The following TUBA8 variants were observed in gnomAD, a reference collection of about 807,000 sequenced individuals.
TUBA8 encodes tubulin alpha-8 chain.
In TUBA8, 29 loss-of-function variants were observed where a neutral mutation model predicts 34.7. The observed-to-expected ratio is 0.84, with a 90% CI of 0.62 to 1.14. The LOEUF (loss-of-function observed/expected upper bound fraction) is 1.14. Ranked by LOEUF, TUBA8 falls within the 50% of genes most tolerant of loss-of-function variation. TUBA8 has a pLI of 0.00. For synonymous variants in TUBA8, 226 were observed against 231.2 expected (o/e 0.98, Z 0.21); for missense variants, 541 against 599.2 (o/e 0.90, Z 1.01).
chr22:18,124,513 G>C lies in TUBA8; in HGVS notation c.375+209G>C. On this transcript the variant is annotated intron_variant, in intron 3 of 4. Transcript: ENST00000330423. This position sits in a 1 kb window ranked among gnomAD's most constrained non-coding sequence, Gnocchi z 4.3. The stretch of plus-strand genomic sequence containing the variant: ...TGTTGGCATCATAGACTGTGTTCCA[G>C]GCTGAGGCCCTACTCATACTCATTG... 1.7e-6 allele frequency: 1 copy of C among 594,276 alleles called. No individual in the cohort carries two copies. Among genetic ancestry groups the C allele is most frequent in the Non-Finnish European group, 2.9e-6 (1 of 344,170 alleles). The allele number at this position is 594,276 out of a possible 1,614,324, so 36.8% of individuals were successfully genotyped here. A position where few individuals can be genotyped will look rare whatever the true frequency, so the allele number is the denominator to read the frequency against.
chr22:18,113,233 G>A (rs141550128), intron 1 of TUBA8: 3 of 152,364 alleles, frequency 2.0e-5, no homozygotes, highest in African/African-American at 7.2e-5. Context: ...AAGTGACACA[G>A]CTGGTAAGAA....
intron 4 of TUBA8, 85 bp from the exon 5 acceptor site, chr22:18,130,758 A>C: frequency 6.3e-7 from 1 of 1,583,366 alleles, no homozygotes; most frequent in African/African-American, 1.3e-5. Flanking sequence ...AAGCCATGCC[A>C]AGTGACCAAG....
In TUBA8 at chr22:18,119,191, T is replaced by G. The variant is rs541917738; in HGVS notation, c.4-2288T>G. ...ACCTCCCTGGGAAGTCACAGCCACA[T>G]GCTGAATGTGACGCCGTGGTCTGGG... On this transcript the variant is annotated intron_variant, in intron 1 of 4. Transcript: ENST00000330423. The surrounding 1 kb of genome is among the most constrained non-coding windows in gnomAD (Gnocchi z 5.9). The G allele has an allele frequency of 5.9e-5, 9 of 152,442 alleles. No individual in the cohort carries two copies. Among genetic ancestry groups the G allele is most frequent in the African/African-American group, 2.2e-4 (9 of 41,564 alleles). 9.4% of individuals were successfully genotyped at this position (152,442 alleles called of 1,614,324 possible).
Position 18,110,916 on chromosome 22 carries a change from G to A in TUBA8, c.3+48G>A, listed in dbSNP as rs58296327. ...GGGCTGCGGGCGCGCGGCAGGCGTAGGACCGAGAGCCGAGTCTACGCGGAG... is the reference window on the plus strand; with the variant it reads ...GGGCTGCGGGCGCGCGGCAGGCGTAAGACCGAGAGCCGAGTCTACGCGGAG... On this transcript the variant is annotated intron_variant, in intron 1 of 4. Coordinates refer to ENST00000330423, the MANE Select transcript of TUBA8 (RefSeq NM_018943.3). The surrounding 1 kb of genome is among the most constrained non-coding windows in gnomAD (Gnocchi z 6.2). The A allele has an allele frequency of 2.4e-3, 3,759 of 1,539,210 alleles. 33 individuals are homozygous for A. The African/African-American group carries it at 0.026, about 10-fold the overall frequency.
At chr22:18,115,872 C>T (rs1157996345) in intron 1 of TUBA8, 1 of 152,176 alleles carries the variant, frequency 6.6e-6, no homozygotes, top group Non-Finnish European at 1.5e-5. Flanking sequence ...TCCTTGGTCC[C>T]TCCACCTCCC....
At chr22:18,130,755 G>A (rs1271046686) in intron 4 of TUBA8, 88 bp from the exon 5 acceptor site, 4 of 1,575,348 alleles carry the variant, frequency 2.5e-6, no homozygotes, top group Non-Finnish European at 3.5e-6. Flanking sequence ...TTGAAGCCAT[G>A]CCAAGTGACC....
At chr22:18,113,292 C>T (rs1439508202) in intron 1 of TUBA8, 1 of 152,276 alleles carries the variant, frequency 6.6e-6, no homozygotes. Context: ...GAGCCTCTGT[C>T]CTGAGCCACC....
chr22:18,110,854 A>G lies in TUBA8; in HGVS notation c.-12A>G, dbSNP rs1384070246. 1 of 1,545,382 alleles carries G rather than the reference A, an allele frequency of 6.5e-7. No individual in the cohort carries two copies. Among genetic ancestry groups the G allele is most frequent in the Non-Finnish European group, 8.7e-7 (1 of 1,151,610 alleles). On this transcript the variant is annotated 5_prime_UTR_variant, in exon 1 of 5. Coordinates refer to ENST00000330423, the MANE Select transcript of TUBA8 (RefSeq NM_018943.3). The surrounding 1 kb of genome is among the most constrained non-coding windows in gnomAD (Gnocchi z 6.2). The stretch of plus-strand genomic sequence containing the variant: ...CCAGCTGAGAGGTGCGCGGGCGAGG[A>G]CAGCGGCAGCGATGGTGAGGCTTCC...
At chr22:18,127,335 C>T in intron 4 of TUBA8, 1 of 358,700 alleles carries the variant, frequency 2.8e-6, no homozygotes, top group South Asian at 4.8e-5. Context: ...AATCTACTCA[C>T]CTGAAGTACA....
rs1556606276 is a variant in TUBA8 at position 18,127,398 on chromosome 22, T to TTG, written c.1056+365_1056+366insGT. On this transcript the variant is annotated intron_variant, in intron 4 of 4. Coordinates refer to ENST00000330423, the MANE Select transcript of TUBA8 (RefSeq NM_018943.3). ...AATTTGCCTAACGTTAGTTTTGTTT[T>TTG]TTTTTTTTTTTTTGAGACGGAGTCT... is the stretch of plus-strand genomic sequence containing the variant. The TTG allele has an allele frequency of 6.3e-5, 12 of 189,398 alleles. No homozygotes were observed. The East Asian group carries it at 8.2e-4, about 13-fold the overall frequency. The allele number at this position is 189,398 out of a possible 1,614,324, so 11.7% of individuals were successfully genotyped here.
intron 4 of TUBA8, chr22:18,129,091 A>G (rs1301159476): frequency 6.6e-6 from 1 of 152,210 alleles, no homozygotes; most frequent in Non-Finnish European, 1.5e-5. Context: ...AGCTACATAT[A>G]TAATTTCCCC....
In TUBA8 at chr22:18,130,688, C is replaced by T. The variant is rs2234337; in HGVS notation, c.1057-155C>T. 1,313 of 938,726 alleles carry T rather than the reference C, an allele frequency of 1.4e-3. 13 individuals carry two copies. The East Asian group carries it at 0.015, about 11-fold the overall frequency. 58.1% of individuals were successfully genotyped at this position (938,726 alleles called of 1,614,324 possible). The stretch of plus-strand genomic sequence containing the variant: ...CTCCCTTGCCACCTGCTGGCTTCCC[C>T]AGTCCCATCCCGCCTGTTGCATCCC... On this transcript the variant is annotated intron_variant, in intron 4 of 4. Transcript: ENST00000330423.
At chr22:18,122,019 C>G in intron 2 of TUBA8, 1 of 326,882 alleles carries the variant, frequency 3.1e-6, no homozygotes, top group Non-Finnish European at 5.8e-6. Flanking sequence ...TTATAAGACA[C>G]CCCTAAGTGA....
rs1927785030 is a variant in TUBA8 at position 18,110,953 on chromosome 22, C to CTTCCTGGCTCTTGAAGACTCAAGA, written c.3+85_3+86insTTCCTGGCTCTTGAAGACTCAAGA. The CTTCCTGGCTCTTGAAGACTCAAGA allele has an allele frequency of 1.3e-6, 2 of 1,529,050 alleles. No individual in the cohort carries two copies. Among genetic ancestry groups the CTTCCTGGCTCTTGAAGACTCAAGA allele is most frequent in the African/African-American group, 1.4e-5 (1 of 72,902 alleles). The allele number at this position is 1,529,050 out of a possible 1,614,324, so 94.7% of individuals were successfully genotyped here. A position where few individuals can be genotyped will look rare whatever the true frequency, so the allele number is the denominator to read the frequency against. The stretch of plus-strand genomic sequence containing the variant: ...GAGTCTACGCGGAGGCGCACGGACC[C>CTTCCTGGCTCTTGAAGACTCAAGA]GTCTTCCTGGAGCCGCAGGGCTCAA... On this transcript the variant is annotated intron_variant, in intron 1 of 4. Transcript: ENST00000330423. This position sits in a 1 kb window ranked among gnomAD's most constrained non-coding sequence, Gnocchi z 6.2.
chr22:18,127,162 G>A, intron 4 of TUBA8, 128 bp downstream of exon 4: 1 of 929,312 alleles, frequency 1.1e-6, no homozygotes, highest in Non-Finnish European at 1.6e-6. Context: ...TCAACCAAAT[G>A]TAACATGAAT....
chr22:18,122,508 A>C (rs1928176945), intron 2 of TUBA8: 1 of 152,382 alleles, frequency 6.6e-6, no homozygotes, highest in Non-Finnish European at 1.5e-5. Flanking sequence ...GGAACCCCGA[A>C]GAGAAGAGGT....
intron 4 of TUBA8, chr22:18,128,334 A>G (rs1928401782): frequency 6.6e-6 from 1 of 152,132 alleles, no homozygotes; most frequent in Non-Finnish European, 1.5e-5. Context: ...GGGGAGATAC[A>G]AAATAGCGAG....
chr22:18,124,461 T>G lies in TUBA8; in HGVS notation c.375+157T>G. On this transcript the variant is annotated intron_variant, in intron 3 of 4. Transcript: ENST00000330423. This position sits in a 1 kb window ranked among gnomAD's most constrained non-coding sequence, Gnocchi z 4.3. ...TTCTGCTTAAATTCTGTAAGAAGCATGCACAGGGGTGATGCCCCTTCCTCT... is the reference window on the plus strand; with the variant it reads ...TTCTGCTTAAATTCTGTAAGAAGCAGGCACAGGGGTGATGCCCCTTCCTCT... 1.2e-6 allele frequency: 1 copy of G among 841,636 alleles called. No individual in the cohort carries two copies. The highest frequency in any genetic ancestry group is 1.8e-6 in the Non-Finnish European group (1 of 556,662). The allele number at this position is 841,636 out of a possible 1,614,324, so 52.1% of individuals were successfully genotyped here. A position where few individuals can be genotyped will look rare whatever the true frequency, so the allele number is the denominator to read the frequency against.
chr22:18,114,443 G>A (rs141276723), intron 1 of TUBA8: 5 of 152,342 alleles, frequency 3.3e-5, no homozygotes, highest in African/African-American at 4.8e-5. Context: ...AATTTAGGCC[G>A]ACTTTGTTTT....
Sources: allele counts gnomAD v4.1 joint callset, GRCh38; gene constraint gnomAD v4.1.1; non-coding constraint Gnocchi (gnomAD v3.1); transcripts MANE v1.5; gene names NCBI Gene and HGNC (gene_info 2026-07-23, HGNC 2026-07-21).